Variants in FHIT observed in about 807,000 individuals in gnomAD.
FHIT encodes the protein fragile histidine triad diadenosine triphosphatase, also known as bis(5'-adenosyl)-triphosphatase.
Under a neutral mutation model 17.9 loss-of-function variants are expected in FHIT, and 19 were observed. The ratio of observed to expected loss-of-function variants is 1.06; its 90% confidence interval spans 0.74 to 1.56. FHIT has a LOEUF of 1.56. Ranked by LOEUF, FHIT falls within the 40% of genes most tolerant of loss-of-function variation. The pLI, the probability that FHIT is intolerant of heterozygous loss-of-function variation, is 0.00. For synonymous variants in FHIT, 81 were observed against 69.7 expected, an observed-to-expected ratio of 1.16 and a Z score of -0.81; for missense variants, 248 against 189.2, an observed-to-expected ratio of 1.31 and a Z score of -1.82.
intron 4 of FHIT, among the ~76,000 whole-genome samples, chr3:60,599,644 A>G (rs1224098722): frequency 1.3e-5 from 2 of 151,152 alleles, no homozygotes; most frequent in African/African-American, 4.9e-5. Flanking sequence ...CAATATCACA[A>G]CTGTACTCCC....
chr3:59,778,109 C>T (rs1263457693), intron 8 of FHIT, among the ~76,000 whole-genome samples: 1 of 152,150 alleles, frequency 6.6e-6, no homozygotes, highest in Non-Finnish European at 1.5e-5. Flanking sequence ...TGGGTCTGAT[C>T]TGGTTTGTTC....
chr3:60,113,464 C>A (rs1032752676), intron 5 of FHIT, among the ~76,000 whole-genome samples: 4 of 151,790 alleles, frequency 2.6e-5, no homozygotes, highest in Non-Finnish European at 2.9e-5. Flanking sequence ...AATCTACTAA[C>A]TGGTTAGTCT....
chr3:61,020,843 A>G (rs1264303496), intron 3 of FHIT, among the ~76,000 whole-genome samples: 1 of 152,224 alleles, frequency 6.6e-6, no homozygotes, highest in African/African-American at 2.4e-5. Flanking sequence ...TAGAATATTT[A>G]CCAAGTAAAT....
intron 5 of FHIT, among the ~76,000 whole-genome samples, chr3:60,142,706 A>C (rs1391500306): frequency 1.4e-5 from 2 of 141,678 alleles, no homozygotes; most frequent in Non-Finnish European, 3.0e-5. Flanking sequence ...TTTTTTTTTT[A>C]AGAGATGGGA....
At chr3:61,159,595 C>G (rs971420007) in intron 2 of FHIT, among the ~76,000 whole-genome samples, 1 of 152,186 alleles carries the variant, frequency 6.6e-6, no homozygotes, top group Non-Finnish European at 1.5e-5. Context: ...GGATGGATTT[C>G]AAGGGGATGA....
chr3:60,596,073 T>C (rs12638023), intron 4 of FHIT: 73,446 of 281,534 alleles, frequency 0.26, 10,239 homozygotes, highest in East Asian at 0.58. Flanking sequence ...TCTCCATTAT[T>C]ATTGCTCTAT....
intron 2 of FHIT, among the ~76,000 whole-genome samples, chr3:61,095,782 G>A (rs1221475771): frequency 7.9e-5 from 12 of 152,188 alleles, no homozygotes; most frequent in Admixed American, 7.9e-4. Flanking sequence ...TCTCTTCAGG[G>A]TATCACTCCT....
chr3:60,868,197 CCT>C (rs782738317), intron 3 of FHIT, among the ~76,000 whole-genome samples: 1 of 152,112 alleles, frequency 6.6e-6, no homozygotes, highest in Non-Finnish European at 1.5e-5. Flanking sequence ...CATTCCTTTC[CCT>C]CTGTTTTCTT....
chr3:60,550,477 A>G (rs1386437536), intron 4 of FHIT, among the ~76,000 whole-genome samples: 2 of 152,190 alleles, frequency 1.3e-5, no homozygotes, highest in African/African-American at 2.4e-5. Flanking sequence ...TCACTAAAAA[A>G]ATTTTCAATT....
At chr3:60,236,780 A>C (rs965010689) in intron 5 of FHIT, among the ~76,000 whole-genome samples, 10 of 152,180 alleles carry the variant, frequency 6.6e-5, no homozygotes, top group African/African-American at 2.4e-4. Flanking sequence ...AAAAATATAA[A>C]AACTCCCTTA....
intron 5 of FHIT, among the ~76,000 whole-genome samples, chr3:60,050,514 T>G (rs372407474): frequency 9.2e-5 from 14 of 152,146 alleles, no homozygotes; most frequent in Admixed American, 2.6e-4. Flanking sequence ...AACTGAAGAC[T>G]TTCTTACTGA....
intron 8 of FHIT, chr3:59,886,380 CT>C (rs1703624544): frequency 1.3e-5 from 2 of 152,224 alleles, no homozygotes; most frequent in South Asian, 4.1e-4. Flanking sequence ...CTGTCTCAGT[CT>C]GTTTAGTTGT....
intron 3 of FHIT, among the ~76,000 whole-genome samples, chr3:60,899,407 C>G (rs2107215547): frequency 6.6e-6 from 1 of 152,240 alleles, no homozygotes; most frequent in Middle Eastern, 3.4e-3. Context: ...AAAGTGAACC[C>G]CCAAAGGGAC....
chr3:60,794,442 AT>A (rs1700903856), intron 4 of FHIT, among the ~76,000 whole-genome samples: 2 of 42 alleles, frequency 0.048, no homozygotes, highest in Non-Finnish European at 0.1. Flanking sequence ...TGATTTAAAG[AT>A]AAAACAGTTT....
At chr3:60,946,297 T>G (rs1005329567) in intron 3 of FHIT, among the ~76,000 whole-genome samples, 1 of 152,132 alleles carries the variant, frequency 6.6e-6, no homozygotes, top group African/African-American at 2.4e-5. Flanking sequence ...AAGGTTAGCA[T>G]GGCATTTCAT....
intron 5 of FHIT, among the ~76,000 whole-genome samples, chr3:60,448,124 C>G (rs568213520): frequency 6.6e-6 from 1 of 152,246 alleles, no homozygotes; most frequent in African/African-American, 2.4e-5. Flanking sequence ...ACCTCAATTG[C>G]TCTCGGATTA....
At chr3:60,288,486 T>G (rs2106641446) in intron 5 of FHIT, among the ~76,000 whole-genome samples, 1 of 152,218 alleles carries the variant, frequency 6.6e-6, no homozygotes, top group East Asian at 1.9e-4. Flanking sequence ...TGACACCATG[T>G]ATTCAAAGTG....
At chr3:60,282,318 T>G (rs1363127165) in intron 5 of FHIT, among the ~76,000 whole-genome samples, 1 of 152,130 alleles carries the variant, frequency 6.6e-6, no homozygotes, top group Non-Finnish European at 1.5e-5. Flanking sequence ...AATTTTTTCT[T>G]TAAAAGAACT....
chr3:60,308,487 G>T (rs375735869), intron 5 of FHIT, among the ~76,000 whole-genome samples: 5,156 of 73,754 alleles, frequency 0.07, 115 homozygotes, highest in African/African-American at 0.098. Context: ...TATAGGTATA[G>T]GTGTATGTGT....
Sources: allele counts gnomAD v4.1 joint callset (sites outside exome capture counted in the v4.1 genomes callset), GRCh38; gene constraint gnomAD v4.1.1; transcripts MANE v1.5; gene names NCBI Gene and HGNC (gene_info 2026-07-23, HGNC 2026-07-21).